Variants in SUGT1 observed in about 807,000 individuals in gnomAD.
SUGT1 encodes the protein protein SGT1 homolog.
In SUGT1, 15 loss-of-function variants were observed where a neutral mutation model predicts 56.1. The ratio of observed to expected loss-of-function variants is 0.27; its 90% CI spans 0.18 to 0.41. The LOEUF (loss-of-function observed/expected upper bound fraction) is 0.41. SUGT1 is among the 10% of genes least tolerant of loss of function. SUGT1 has a pLI of 1.00. For missense variants in SUGT1, 347 were observed against 382.2 expected (o/e 0.91, Z 0.77); for synonymous variants, 123 against 128.6 (o/e 0.96, Z 0.30).
At chr13:52,670,587 A>T (rs1344484336) in intron 10 of SUGT1, among the ~76,000 whole-genome samples, 1 of 152,198 alleles carries the variant, frequency 6.6e-6, no homozygotes, top group Non-Finnish European at 1.5e-5. Flanking sequence ...CGGTCGGATC[A>T]CTTGAGGTCA....
chr13:52,683,098 CTCCTTTTCTT>C (rs1193729242), intron 12 of SUGT1, among the ~76,000 whole-genome samples: 5 of 151,976 alleles, frequency 3.3e-5, no homozygotes, highest in African/African-American at 4.8e-5. Flanking sequence ...TGCCTTTTAT[CTCCTTTTCTT>C]GCTATATTTC....
chr13:52,689,030 T>C lies in SUGT1; in HGVS notation c.*1195T>C, dbSNP rs2138185793. The stretch of plus-strand genomic sequence containing the variant: ...TCAGCTCTGTTAGGTGTCACTAACA[T>C]TTTTATGGCAAAGCACTACTCTATA... On this transcript the variant is annotated 3_prime_UTR_variant, in exon 13 of 13. Transcript: ENST00000310528. 1 of 152,302 alleles carries C rather than the reference T, an allele frequency of 6.6e-6. No homozygotes were observed. Among genetic ancestry groups the C allele is most frequent in the Admixed American group, 6.5e-5 (1 of 15,292 alleles). 9.4% of individuals were successfully genotyped at this position (152,302 alleles called of 1,614,324 possible).
intron 2 of SUGT1, 31 bp downstream of exon 2, chr13:52,653,134 C>G (rs763450200): frequency 1.2e-6 from 2 of 1,613,656 alleles, no homozygotes; most frequent in East Asian, 4.5e-5. Flanking sequence ...TTCCTCCACT[C>G]TTCTTAGGGG....
intron 12 of SUGT1, among the ~76,000 whole-genome samples, chr13:52,684,822 C>A (rs1405282394): frequency 1.3e-5 from 2 of 152,084 alleles, no homozygotes; most frequent in African/African-American, 4.8e-5. Context: ...GCCACCACGC[C>A]TGGCCTGTTG....
chr13:52,654,301 G>A (rs1323760039), intron 2 of SUGT1, among the ~76,000 whole-genome samples: 1 of 152,190 alleles, frequency 6.6e-6, no homozygotes, highest in Non-Finnish European at 1.5e-5. Flanking sequence ...TCTTGTATTA[G>A]CTAGACAGCT....
intron 12 of SUGT1, among the ~76,000 whole-genome samples, chr13:52,682,663 G>A (rs7330361): frequency 0.96 from 145,725 of 152,322 alleles, 69,726 homozygotes; most frequent in East Asian, 0.99. Context: ...TCAGTTGAGC[G>A]TATTTGTGTG....
chr13:52,689,967 T>A lies in SUGT1; in HGVS notation c.*2132T>A, dbSNP rs1202686267. ...CTGGGCGACTCCATCTCAAAAAAAA[T>A]AAATAGCTGTTTAAAAAAAAAAAAT... On this transcript the variant is annotated 3_prime_UTR_variant, in exon 13 of 13. Coordinates refer to ENST00000310528, the MANE Select transcript of SUGT1 (RefSeq NM_006704.5). The A allele has an allele frequency of 2.7e-5, 3 of 112,014 alleles. No individual in the cohort carries two copies. Among genetic ancestry groups the A allele is most frequent in the African/African-American group, 6.8e-5 (2 of 29,442 alleles). 6.9% of individuals were successfully genotyped at this position (112,014 alleles called of 1,614,324 possible).
chr13:52,687,713 T>C (rs1314530081), intron 12 of SUGT1, 21 bp from the exon 13 acceptor site: 5 of 1,548,768 alleles, frequency 3.2e-6, no homozygotes, highest in Non-Finnish European at 4.4e-6. Flanking sequence ...GGAATTAATC[T>C]ATTTTTATTT....
rs1963852310 is a variant in SUGT1, at chr13:52,693,960, A to G, written c.*6125A>G. On this transcript the variant is annotated 3_prime_UTR_variant, in exon 13 of 13. Coordinates refer to ENST00000310528, the MANE Select transcript of SUGT1 (RefSeq NM_006704.5). ...TTTTATACATGTATACTTATGATAA[A>G]GTTTATAAATTAGGCACAGTAAGAT... 1 of 152,186 alleles carries G rather than the reference A, an allele frequency of 6.6e-6. No individual in the cohort carries two copies. Among genetic ancestry groups the G allele is most frequent in the South Asian group, 2.1e-4 (1 of 4,828 alleles). The allele number at this position is 152,186 out of a possible 1,614,324, so 9.4% of individuals were successfully genotyped here. A position where few individuals can be genotyped will look rare whatever the true frequency, so the allele number is the denominator to read the frequency against.
At chr13:52,665,353 T>A (rs1438001304) in intron 8 of SUGT1, among the ~76,000 whole-genome samples, 4 of 152,218 alleles carry the variant, frequency 2.6e-5, no homozygotes, top group African/African-American at 9.6e-5. Context: ...AATATTTATA[T>A]TAGTTTAAGC....
intron 5 of SUGT1, 103 bp from the exon 6 acceptor site, chr13:52,662,546 A>G (rs1962505594): frequency 3.5e-6 from 4 of 1,148,062 alleles, no homozygotes; most frequent in East Asian, 2.4e-5. Flanking sequence ...CCGACTCCCC[A>G]GTGCCTAGAA....
At position 52,661,122 on chromosome 13, in the gene SUGT1, T is replaced by C. The variant is rs143049518; in HGVS notation, c.329-1527T>C. Among the ~76,000 whole-genome samples the C allele has an allele frequency of 4.6e-5, 7 of 152,264 alleles. No individual in the cohort carries two copies. In the East Asian group the frequency reaches 1.4e-3, roughly 30 times the overall value. ...CCACTGCGTCTGGCCCCTAGATTAT[T>C]TTCTTGAGTAATATCTTAATATCAT... On this transcript the variant is annotated intron_variant, in intron 5 of 12. Transcript: ENST00000310528.
At chr13:52,680,410 C>T (rs1295865009) in intron 12 of SUGT1, among the ~76,000 whole-genome samples, 1 of 152,176 alleles carries the variant, frequency 6.6e-6, no homozygotes, top group African/African-American at 2.4e-5. Context: ...GGAGTCATCT[C>T]ACTTGGATTT....
chr13:52,662,003 C>G (rs988359127), intron 5 of SUGT1, among the ~76,000 whole-genome samples: 4 of 152,076 alleles, frequency 2.6e-5, no homozygotes, highest in African/African-American at 9.7e-5. Context: ...AATCATTGTT[C>G]TGTGTCTCCA....
intron 5 of SUGT1, among the ~76,000 whole-genome samples, chr13:52,660,230 A>G (rs775228890): frequency 6.6e-6 from 1 of 152,066 alleles, no homozygotes; most frequent in Non-Finnish European, 1.5e-5. Context: ...TTTTATCTTT[A>G]TGTTATGATA....
chr13:52,687,743 G>C lies in SUGT1; in HGVS notation c.910G>C (p.Gly304Arg), dbSNP rs1352746545. Residue 304 changes from glycine (G) to arginine (R), a missense_variant, in exon 13 of 13, where the codon GGT becomes CGT. Gly to Arg is a moderately radical substitution (Grantham distance 125). Transcript: ENST00000310528. The part of the protein sequence containing the change: ...RAMNKSFMES[G>R]GTVLSTNWSD... Reference sequence around the variant, plus strand: ...TTATTTTTCATTGCAGATGGAGTCGGGTGGTACAGTTTTGAGTACCAACTG... The same window carrying C: ...TTATTTTTCATTGCAGATGGAGTCGCGTGGTACAGTTTTGAGTACCAACTG... The C allele has an allele frequency of 6.3e-7, 1 of 1,592,772 alleles. No individual in the cohort carries two copies. Among genetic ancestry groups the C allele is most frequent in the Non-Finnish European group, 8.5e-7 (1 of 1,172,366 alleles).
At position 52,679,222 on chromosome 13, in the gene SUGT1, GC is replaced by G. The variant is rs1963269723; in HGVS notation, c.719-750del. 3.3e-5 allele frequency among the ~76,000 whole-genome samples: 5 copies of G among 152,222 alleles called. No individual in the cohort carries two copies. In the South Asian group the frequency reaches 1.0e-3, roughly 32 times the overall value. Reference sequence around the variant, plus strand: ...ATTATTTGTGTGCCAAGATCTTGATGCCTTTGGTCTTTGGAGCAATCTTGGC... The same window carrying G: ...ATTATTTGTGTGCCAAGATCTTGATGCTTTGGTCTTTGGAGCAATCTTGGC... On this transcript the variant is annotated intron_variant, in intron 11 of 12. Transcript: ENST00000310528.
At chr13:52,667,436 C>A in intron 10 of SUGT1, among the ~76,000 whole-genome samples, 1 of 152,210 alleles carries the variant, frequency 6.6e-6, no homozygotes, top group East Asian at 1.9e-4. Flanking sequence ...CCTCTGCCTC[C>A]TGGATCCAAG....
In SUGT1 at chr13:52,683,572, T is replaced by G. The variant is rs1282622027; in HGVS notation, c.900+3417T>G. On this transcript the variant is annotated intron_variant, in intron 12 of 12. Transcript: ENST00000310528. ...TCTAATTTTCTTTTTGTGCTATCTT[T>G]GGTTTGGCATCAGAGTAATACTTCA... Among the ~76,000 whole-genome samples the G allele has an allele frequency of 1.7e-4, 26 of 152,040 alleles. 1 individual carries two copies. The highest frequency in any genetic ancestry group is 1.7e-3 in the Admixed American group (26 of 15,284).
Sources: allele counts gnomAD v4.1 joint callset (sites outside exome capture counted in the v4.1 genomes callset), GRCh38; gene constraint gnomAD v4.1.1; transcripts MANE v1.5; gene names NCBI Gene and HGNC (gene_info 2026-07-23, HGNC 2026-07-21).